SGIP1: variants seen among roughly 807,000 people sequenced by gnomAD.
SGIP1 encodes SH3-containing GRB2-like protein 3-interacting protein 1.
Under a neutral mutation model 107.5 loss-of-function variants are expected in SGIP1, and 38 were observed. The observed-to-expected ratio is 0.35, with a 90% CI of 0.27 to 0.46. The LOEUF is 0.46. Ranked by LOEUF, SGIP1 falls within the 20% of genes least tolerant of loss-of-function variation. The pLI is 1.00. For synonymous variants in SGIP1, 365 were observed against 366.1 expected (o/e 1.00, Z 0.03); for missense variants, 929 against 1,019.5 (o/e 0.91, Z 1.21).
chr1:66,748,698 T>C lies in SGIP1; in HGVS notation c.*5603T>C, dbSNP rs2094585767. Among the ~76,000 whole-genome samples the C allele has an allele frequency of 6.6e-6, 1 of 152,010 alleles. No individual in the cohort carries two copies. Among genetic ancestry groups the C allele is most frequent in the African/African-American group, 2.4e-5 (1 of 41,452 alleles). On this transcript the variant is annotated 3_prime_UTR_variant, in exon 25 of 25. Coordinates refer to ENST00000371037, the MANE Select transcript of SGIP1 (RefSeq NM_032291.4). ...AACAAATATATTTTTAAATGTCCCG[T>C]AATGTTTTAAAGAAAAGAAGTAAAG...
intron 18 of SGIP1, among the ~76,000 whole-genome samples, chr1:66,718,422 GA>G (rs1236384192): frequency 3.3e-5 from 5 of 152,028 alleles, no homozygotes; most frequent in Non-Finnish European, 5.9e-5. Flanking sequence ...GGTATAGTGG[GA>G]AAAACATGAG....
chr1:66,590,655 G>A (rs779146557), intron 1 of SGIP1: 1 of 152,200 alleles, frequency 6.6e-6, no homozygotes, highest in Non-Finnish European at 1.5e-5. Flanking sequence ...ATTATTCAGT[G>A]CTAAAACGAA....
chr1:66,591,344 G>T (rs979164023), intron 1 of SGIP1, among the ~76,000 whole-genome samples: 2 of 152,114 alleles, frequency 1.3e-5, no homozygotes, highest in African/African-American at 4.8e-5. Flanking sequence ...ACATAAGCCC[G>T]TTAGAATGAT....
At chr1:66,677,178 A>C (rs1220591538) in intron 13 of SGIP1, 82 bp downstream of exon 13, 14 of 1,088,768 alleles carry the variant, frequency 1.3e-5, no homozygotes, top group Non-Finnish European at 2.0e-5. Flanking sequence ...GGCAACTCTT[A>C]AAAAGTCTAT....
intron 1 of SGIP1, among the ~76,000 whole-genome samples, chr1:66,603,106 A>G (rs1345872500): frequency 6.6e-6 from 1 of 152,218 alleles, no homozygotes; most frequent in Non-Finnish European, 1.5e-5. Context: ...CAGTCCTAAA[A>G]TAGATGATAA....
At chr1:66,742,974 C>A in intron 24 of SGIP1, 99 bp from the exon 25 acceptor site, 1 of 1,196,856 alleles carries the variant, frequency 8.4e-7, no homozygotes, top group Non-Finnish European at 1.2e-6. Context: ...CAGTATCTGG[C>A]TCCTAGGGGT....
chr1:66,689,084 A>G, intron 15 of SGIP1, 64 bp from the exon 16 acceptor site: 1 of 1,542,388 alleles, frequency 6.5e-7, no homozygotes, highest in Middle Eastern at 1.8e-4. Flanking sequence ...CTGGCATTAT[A>G]CTGTGATAAC....
intron 15 of SGIP1, among the ~76,000 whole-genome samples, chr1:66,685,127 A>AAT (rs1303922507): frequency 2.0e-5 from 3 of 152,246 alleles, no homozygotes; most frequent in Non-Finnish European, 2.9e-5. Flanking sequence ...AAAGATTAGC[A>AAT]GTGCTTCTCA....
At chr1:66,648,440 C>G (rs2182110) in intron 7 of SGIP1, among the ~76,000 whole-genome samples, 20,350 of 152,130 alleles carry the variant, frequency 0.13, 1,408 homozygotes, top group African/African-American at 0.15. Flanking sequence ...GCTAAGGACA[C>G]AGAACCATGG....
At chr1:66,710,781 C>A (rs969424409) in intron 18 of SGIP1, among the ~76,000 whole-genome samples, 3 of 152,028 alleles carry the variant, frequency 2.0e-5, no homozygotes. Flanking sequence ...TTCATCACAC[C>A]TAAAGTCATT....
chr1:66,577,410 G>C (rs559659168), intron 1 of SGIP1, among the ~76,000 whole-genome samples: 2 of 152,126 alleles, frequency 1.3e-5, no homozygotes, highest in Admixed American at 1.3e-4. Context: ...CGTGTGTCTC[G>C]GTTTGATAAG....
rs1014217433 is a variant in SGIP1, at chr1:66,637,173, A to G, written c.171+1158A>G. Among the ~76,000 whole-genome samples the G allele has an allele frequency of 2.0e-5, 3 of 152,132 alleles. No homozygotes were observed. The South Asian group carries it at 6.2e-4, about 32-fold the overall frequency. Reference sequence around the variant, plus strand: ...CCTGGTTTTTAAGTGGTGTTTCCCCACTTCACTGATATTCTTCCTTGCTTC... The same window carrying G: ...CCTGGTTTTTAAGTGGTGTTTCCCCGCTTCACTGATATTCTTCCTTGCTTC... On this transcript the variant is annotated intron_variant, in intron 4 of 24. Coordinates refer to ENST00000371037, the MANE Select transcript of SGIP1 (RefSeq NM_032291.4).
chr1:66,702,486 T>C (rs2092036443), intron 18 of SGIP1, among the ~76,000 whole-genome samples: 1 of 152,194 alleles, frequency 6.6e-6, no homozygotes, highest in African/African-American at 2.4e-5. Flanking sequence ...TAAGATGCAT[T>C]GTTTTTGTTT....
At chr1:66,737,264 C>CATCT (rs1398448934) in intron 21 of SGIP1, among the ~76,000 whole-genome samples, 1 of 152,182 alleles carries the variant, frequency 6.6e-6, no homozygotes, top group African/African-American at 2.4e-5. Flanking sequence ...ACTGCATGTA[C>CATCT]ATCTTCACTT....
At chr1:66,716,835 T>C (rs953658755) in intron 18 of SGIP1, among the ~76,000 whole-genome samples, 1 of 152,140 alleles carries the variant, frequency 6.6e-6, no homozygotes, top group Admixed American at 6.6e-5. Context: ...TATAAAACTC[T>C]TCATGACCTA....
intron 7 of SGIP1, among the ~76,000 whole-genome samples, chr1:66,658,595 T>G (rs1420817691): frequency 6.6e-6 from 1 of 152,208 alleles, no homozygotes; most frequent in African/African-American, 2.4e-5. Context: ...AAAAGGGAAT[T>G]TATAAACATG....
rs745469510 is a variant in SGIP1, at chr1:66,636,015, G to A, written c.171G>A (p.Ser57=). ...CGCGTGAAGGAGGAAAAAAAGTTTC[G>A]GTAAGGAAACAGATTTTAGTTTAAA... ...ECAREGGKKV[S]KKSNGAPNGF... The change falls in exon 4 of 25, where the codon TCG becomes TCA. Residue 57 remains serine (S), a splice_region_variant and synonymous_variant. Coordinates refer to ENST00000371037, the MANE Select transcript of SGIP1 (RefSeq NM_032291.4). The A allele has an allele frequency of 2.4e-5, 38 of 1,612,894 alleles. 1 individual carries two copies. Among genetic ancestry groups the A allele is most frequent in the South Asian group, 1.3e-4 (12 of 90,932 alleles).
intron 1 of SGIP1, among the ~76,000 whole-genome samples, chr1:66,587,707 T>C (rs2062854213): frequency 6.6e-6 from 1 of 152,018 alleles, no homozygotes; most frequent in South Asian, 2.1e-4. Context: ...TTCTGGGGAG[T>C]CATCTTTCTG....
At chr1:66,604,152 T>C (rs1231938976) in intron 1 of SGIP1, among the ~76,000 whole-genome samples, 2 of 152,116 alleles carry the variant, frequency 1.3e-5, no homozygotes. Context: ...ATATGCTAAA[T>C]ATGATGAGAT....
Sources: allele counts gnomAD v4.1 joint callset (sites outside exome capture counted in the v4.1 genomes callset), GRCh38; gene constraint gnomAD v4.1.1; transcripts MANE v1.5; gene names NCBI Gene and HGNC (gene_info 2026-07-23, HGNC 2026-07-21).